Variants in ITGBL1 observed in about 807,000 individuals in gnomAD.
ITGBL1 encodes the protein integrin subunit beta like 1, also known as integrin beta-like protein 1.
In ITGBL1, 51 loss-of-function variants were observed where a neutral mutation model predicts 68.5. The ratio of observed to expected loss-of-function variants is 0.74; its 90% CI spans 0.59 to 0.94. ITGBL1 has a LOEUF of 0.94. Among genes scored for constraint, ITGBL1 ranks in the 40% least tolerant of loss-of-function variants. ITGBL1 has a pLI of 0.00. For synonymous variants in ITGBL1, 209 were observed against 227.3 expected (o/e 0.92, Z 0.72); for missense variants, 649 against 647.4 (o/e 1.00, Z -0.03).
chr13:101,690,255 C>T (rs544814883), intron 7 of ITGBL1, among the ~76,000 whole-genome samples: 7 of 152,132 alleles, frequency 4.6e-5, no homozygotes, highest in Middle Eastern at 3.2e-3. Flanking sequence ...AGAAATTATC[C>T]ACAATGAAAA....
chr13:101,453,059 C>A, intron 1 of ITGBL1, 128 bp downstream of exon 1: 1 of 710,634 alleles, frequency 1.4e-6, no homozygotes, highest in South Asian at 1.7e-5. Flanking sequence ...TGTTTTCAAC[C>A]TGTTCCTTTT....
In ITGBL1 at chr13:101,453,892, G is replaced by T. The variant is rs1017422336; in HGVS notation, c.108G>T (p.Pro36=). ...CTTGTCGCCCGCGCAGGAGCTGGCC[G>T]GGCGCCGCCTGCAGGCTGTCCCGGG... ...QSFSPSLRSW[P]GAACRLSRAE... Residue 36 remains proline (P), a synonymous_variant, in exon 2 of 11, where the codon CCG becomes CCT. Coordinates refer to ENST00000376180, the MANE Select transcript of ITGBL1 (RefSeq NM_004791.3). The T allele has an allele frequency of 2.4e-6, 3 of 1,246,496 alleles. No homozygotes were observed. Among genetic ancestry groups the T allele is most frequent in the Non-Finnish European group, 2.0e-6 (2 of 996,430 alleles). 77.2% of individuals were successfully genotyped at this position (1,246,496 alleles called of 1,614,324 possible). A position where few individuals can be genotyped will look rare whatever the true frequency, so the allele number is the denominator to read the frequency against.
chr13:101,575,420 T>G lies in ITGBL1; in HGVS notation c.464-4T>G. The G allele has an allele frequency of 6.2e-7, 1 of 1,612,090 alleles. No homozygotes were observed. Among genetic ancestry groups the G allele is most frequent in the Non-Finnish European group, 8.5e-7 (1 of 1,178,824 alleles). On this transcript the variant is annotated splice_polypyrimidine_tract_variant and splice_region_variant and intron_variant, in intron 3 of 10. Coordinates refer to ENST00000376180, the MANE Select transcript of ITGBL1 (RefSeq NM_004791.3). Reference sequence around the variant, plus strand: ...AAACAGTCTTTTTTGTTTTCATGGTTTAGGTACATGTCACTGTGGCAGGTG... The same window carrying G: ...AAACAGTCTTTTTTGTTTTCATGGTGTAGGTACATGTCACTGTGGCAGGTG...
At chr13:101,600,239 G>C (rs2030276216) in intron 7 of ITGBL1, among the ~76,000 whole-genome samples, 1 of 152,082 alleles carries the variant, frequency 6.6e-6, no homozygotes, top group Non-Finnish European at 1.5e-5. Flanking sequence ...CTCTCTGTTT[G>C]TCTGTTGTTG....
At chr13:101,522,248 A>G (rs1217947631) in intron 2 of ITGBL1, among the ~76,000 whole-genome samples, 3 of 152,140 alleles carry the variant, frequency 2.0e-5, no homozygotes, top group African/African-American at 7.2e-5. Context: ...TTTGGCTCAT[A>G]ATAGTATATG....
intron 8 of ITGBL1, among the ~76,000 whole-genome samples, chr13:101,695,256 GA>G (rs2033975782): frequency 6.6e-6 from 1 of 152,170 alleles, no homozygotes; most frequent in Admixed American, 6.5e-5. Flanking sequence ...AGGATACATG[GA>G]ACTTGGCCAA....
At chr13:101,623,224 G>T (rs944262118) in intron 7 of ITGBL1, among the ~76,000 whole-genome samples, 1 of 151,782 alleles carries the variant, frequency 6.6e-6, no homozygotes, top group Admixed American at 6.6e-5. Flanking sequence ...GCAATCCGAG[G>T]TTTATAATTT....
At chr13:101,465,705 G>A (rs16951692) in intron 2 of ITGBL1, among the ~76,000 whole-genome samples, 5,195 of 152,174 alleles carry the variant, frequency 0.034, 298 homozygotes, top group African/African-American at 0.12. Flanking sequence ...GCAAATAACA[G>A]TCACCCATTT....
intron 7 of ITGBL1, among the ~76,000 whole-genome samples, chr13:101,602,269 T>G (rs1366302542): frequency 6.6e-6 from 1 of 152,076 alleles, no homozygotes; most frequent in East Asian, 1.9e-4. Context: ...ATGAATAAGC[T>G]TTTGTCATTT....
At chr13:101,487,275 A>G (rs996835653) in intron 2 of ITGBL1, among the ~76,000 whole-genome samples, 2 of 152,230 alleles carry the variant, frequency 1.3e-5, no homozygotes, top group African/African-American at 4.8e-5. Context: ...TTTGAGGAAC[A>G]CAGGAAATTA....
intron 2 of ITGBL1, among the ~76,000 whole-genome samples, chr13:101,555,358 TATTA>T (rs1594887723): frequency 6.6e-6 from 1 of 152,352 alleles, no homozygotes; most frequent in East Asian, 1.9e-4. Flanking sequence ...TAAGGATATG[TATTA>T]ATTCTAGTGT....
chr13:101,537,443 G>A (rs937310403), intron 2 of ITGBL1, among the ~76,000 whole-genome samples: 1 of 152,000 alleles, frequency 6.6e-6, no homozygotes, highest in Non-Finnish European at 1.5e-5. Flanking sequence ...TTTGAACTCA[G>A]TCATGAAGTC....
At chr13:101,607,213 A>T (rs1218801324) in intron 7 of ITGBL1, among the ~76,000 whole-genome samples, 1 of 152,062 alleles carries the variant, frequency 6.6e-6, no homozygotes. Context: ...AGGAAGACGT[A>T]TAATTATTAT....
chr13:101,701,782 A>G (rs1401937453), intron 8 of ITGBL1, among the ~76,000 whole-genome samples: 3 of 152,112 alleles, frequency 2.0e-5, no homozygotes, highest in Admixed American at 2.0e-4. Context: ...ATAGGTACCT[A>G]GAGTAGTCAG....
intron 7 of ITGBL1, among the ~76,000 whole-genome samples, chr13:101,608,534 T>TA (rs974927535): frequency 1.2e-4 from 19 of 152,044 alleles, no homozygotes; most frequent in African/African-American, 4.3e-4. Context: ...TTAAGCAGCA[T>TA]ACCATATACA....
intron 10 of ITGBL1, chr13:101,715,356 G>A: frequency 1.8e-6 from 1 of 553,780 alleles, no homozygotes; most frequent in Non-Finnish European, 3.2e-6. Flanking sequence ...GTAAAGGGTG[G>A]CACCAAATAA....
intron 6 of ITGBL1, 46 bp from the exon 7 acceptor site, chr13:101,598,107 A>G (rs760084352): frequency 1.7e-5 from 26 of 1,534,316 alleles, no homozygotes; most frequent in Non-Finnish European, 3.5e-6. Flanking sequence ...TTCCAACTTC[A>G]TTATCTTTAT....
At chr13:101,644,296 A>C (rs1174568118) in intron 7 of ITGBL1, among the ~76,000 whole-genome samples, 1 of 152,200 alleles carries the variant, frequency 6.6e-6, no homozygotes, top group Non-Finnish European at 1.5e-5. Context: ...TTATGTATAA[A>C]GTAGAGGGAG....
chr13:101,671,426 G>T lies in ITGBL1; in HGVS notation c.1016-21159G>T, dbSNP rs146713577. On this transcript the variant is annotated intron_variant, in intron 7 of 10. Transcript: ENST00000376180. ...AGCTATTTGACAAAAGTATACCTTTGTTTTTTTTTTGTTTTTTTTTGTTTT... is the reference window on the plus strand; with the variant it reads ...AGCTATTTGACAAAAGTATACCTTTTTTTTTTTTTTGTTTTTTTTTGTTTT... Among the ~76,000 whole-genome samples the T allele has an allele frequency of 1.1e-3, 126 of 112,524 alleles. 1 individual carries two copies. Among genetic ancestry groups the T allele is most frequent in the East Asian group, 2.8e-3 (8 of 2,844 alleles). The allele number at this position is 112,524 out of a possible 152,430, so 73.8% of individuals were successfully genotyped here.
Sources: gnomAD v4.1 joint callset for allele counts (sites outside exome capture counted in the v4.1 genomes callset) on GRCh38, gnomAD v4.1.1 for gene constraint, MANE v1.5 for transcripts, NCBI Gene and HGNC (gene_info 2026-07-23, HGNC 2026-07-21) for gene names.